The following ERBB3 variants were observed in gnomAD, a reference collection of about 807,000 sequenced individuals.
The protein encoded by ERBB3 is erb-b2 receptor tyrosine kinase 3, also known as receptor tyrosine-protein kinase erbB-3.
Under a neutral mutation model 156.7 loss-of-function variants are expected in ERBB3, and 96 were observed. The ratio of observed to expected loss-of-function variants is 0.61; its 90% confidence interval spans 0.52 to 0.73. The LOEUF (loss-of-function observed/expected upper bound fraction) is 0.73. ERBB3 is among the 30% of genes least tolerant of loss of function. The pLI, the probability that ERBB3 is intolerant of heterozygous loss-of-function variation, is 0.00. For synonymous variants in ERBB3, 567 were observed against 632.0 expected (o/e 0.90, Z 1.54); for missense variants, 1,406 against 1,709.4 (o/e 0.82, Z 3.13).
chr12:56,080,959 A>T (rs748227004), intron 1 of ERBB3, among the ~76,000 whole-genome samples: 4 of 152,226 alleles, frequency 2.6e-5, no homozygotes, highest in Non-Finnish European at 5.9e-5. Flanking sequence ...TTCAGGTGAC[A>T]TCAGGCAGGA....
Position 56,085,095 on chromosome 12 carries a change from A to G in ERBB3, c.335A>G (p.Asp112Gly), listed in dbSNP as rs769723853. ...LRVVRGTQVYDGKFAIFVMLN... is the reference protein window; with the variant it reads ...LRVVRGTQVYGGKFAIFVMLN... ...GTGGTGCGAGGGACCCAGGTCTACG[A>G]TGGGAAGTTTGCCATCTTCGTCATG... Residue 112 changes from aspartate to glycine, a missense_variant, in exon 3 of 28, where the codon GAT becomes GGT. Physicochemically the swap from Asp to Gly is moderately conservative, Grantham distance 94. This residue lies in a region of ERBB3 where 979 missense variants were observed against 1,219.6 expected (regional missense o/e 0.80). Coordinates refer to ENST00000267101, the MANE Select transcript of ERBB3 (RefSeq NM_001982.4). 11 of 1,613,942 alleles carry G rather than the reference A, an allele frequency of 6.8e-6. No individual in the cohort carries two copies. In the African/African-American group the frequency reaches 1.5e-4, roughly 22 times the overall value.
At position 56,092,676 on chromosome 12, in the gene ERBB3, G is replaced by A. The variant is rs1398190980; in HGVS notation, c.1110-71G>A. 2.9e-6 allele frequency: 3 copies of A among 1,045,110 alleles called. No homozygotes were observed. The East Asian group carries it at 7.1e-5, about 25-fold the overall frequency. 64.7% of individuals were successfully genotyped at this position (1,045,110 alleles called of 1,614,324 possible). A position where few individuals can be genotyped will look rare whatever the true frequency, so the allele number is the denominator to read the frequency against. On this transcript the variant is annotated intron_variant, in intron 9 of 27. Transcript: ENST00000267101. ...GAATGATATTTAGAAACCAAATGCT[G>A]AGGCTGGGTGTGCTCATTGCCATTG...
rs1440172370 is a variant in ERBB3 at position 56,101,735 on chromosome 12, AGCACACAGAGTT to A, written c.3712_3723del (p.Thr1238_Cys1241del). ...GTCAGACCTCAGTGCCTCTCTGGGC[AGCACACAGAGTT>A]GCCCACTCCACCCTGTACCCATCAT... is the stretch of plus-strand genomic sequence containing the variant. On this transcript the variant is annotated inframe_deletion, in exon 28 of 28. Transcript: ENST00000267101. 2 of 1,613,826 alleles carry A rather than the reference AGCACACAGAGTT, an allele frequency of 1.2e-6. No homozygotes were observed. Among genetic ancestry groups the A allele is most frequent in the Non-Finnish European group, 8.5e-7 (1 of 1,179,990 alleles).
intron 9 of ERBB3, 89 bp downstream of exon 9, chr12:56,088,957 G>A (rs762123925): frequency 1.2e-4 from 184 of 1,532,524 alleles, no homozygotes; most frequent in Non-Finnish European, 1.6e-4. Flanking sequence ...ATGTGGAGCT[G>A]ACTAGGAATC....
chr12:56,097,056 C>T lies in ERBB3; in HGVS notation c.2286C>T (p.Ala762=), dbSNP rs1868912628. ...SFQAVTDHML[A]IGSLDHAHIV... ...TTTGTGTCTCTTAGCATATGCTGGCCATTGGCAGCCTGGACCATGCCCACA... is the reference window on the plus strand; with the variant it reads ...TTTGTGTCTCTTAGCATATGCTGGCTATTGGCAGCCTGGACCATGCCCACA... Residue 762 remains alanine, a synonymous_variant, in exon 20 of 28, where the codon GCC becomes GCT. Coordinates refer to ENST00000267101, the MANE Select transcript of ERBB3 (RefSeq NM_001982.4). 3.1e-6 allele frequency: 5 copies of T among 1,613,954 alleles called. No homozygotes were observed. Among genetic ancestry groups the T allele is most frequent in the Non-Finnish European group, 4.2e-6 (5 of 1,179,948 alleles).
At chr12:56,098,179 T>C (rs1592231100) in intron 21 of ERBB3, 9 of 562,998 alleles carry the variant, frequency 1.6e-5, no homozygotes, top group Middle Eastern at 9.5e-4. Context: ...CCAAGGCGGG[T>C]GGATCACAAG....
chr12:56,086,912 T>C (rs1378737917), intron 4 of ERBB3, among the ~76,000 whole-genome samples: 1 of 151,752 alleles, frequency 6.6e-6, no homozygotes, highest in Non-Finnish European at 1.5e-5. Context: ...GAAGCCAAGG[T>C]GGGAGGATCG....
intron 9 of ERBB3, chr12:56,089,149 T>A: frequency 2.0e-6 from 1 of 502,728 alleles, no homozygotes; most frequent in South Asian, 1.5e-5. Flanking sequence ...TTTTTTCTTT[T>A]TTGAGATAGG....
intron 2 of ERBB3, among the ~76,000 whole-genome samples, chr12:56,084,407 T>C (rs1395527803): frequency 6.6e-6 from 1 of 151,896 alleles, no homozygotes; most frequent in Non-Finnish European, 1.5e-5. Flanking sequence ...GGTCAGGAGT[T>C]CAAGACCAGC....
rs769847060 is a variant in ERBB3 at position 56,094,468 on chromosome 12, C to T, written c.1771C>T (p.His591Tyr). 6.2e-7 allele frequency: 1 copy of T among 1,614,142 alleles called. No individual in the cohort carries two copies. Among genetic ancestry groups the T allele is most frequent in the South Asian group, 1.1e-5 (1 of 91,080 alleles). The change falls in exon 15 of 28, where the codon CAT becomes TAT. Residue 591 changes from histidine (H) to tyrosine (Y), a missense_variant. Physicochemically the swap from His to Tyr is moderately conservative, Grantham distance 83. This residue lies in a region of ERBB3 where 979 missense variants were observed against 1,219.6 expected (regional missense o/e 0.80). Coordinates refer to ENST00000267101, the MANE Select transcript of ERBB3 (RefSeq NM_001982.4). ...DGPHCVSSCP[H>Y]GVLGAKGPIY... ...GCCCCACTGTGTGAGCAGCTGCCCC[C>T]ATGGAGTCCTAGGTGCCAAGGGCCC...
rs536672285 is a variant in ERBB3 at position 56,090,656 on chromosome 12, T to A, written c.1109+1788T>A. Among the ~76,000 whole-genome samples the A allele has an allele frequency of 1.3e-4, 19 of 151,656 alleles. No individual in the cohort carries two copies. The East Asian group carries it at 3.3e-3, about 27-fold the overall frequency. Reference sequence around the variant, plus strand: ...AGACTCTGTCCCCCGCCAAAAAAAATACCACATACGCTTTATCACTTCTCT... The same window carrying A: ...AGACTCTGTCCCCCGCCAAAAAAAAAACCACATACGCTTTATCACTTCTCT... On this transcript the variant is annotated intron_variant, in intron 9 of 27. Transcript: ENST00000267101.
chr12:56,097,246 A>C lies in ERBB3; in HGVS notation c.2460+16A>C. 1 of 1,612,722 alleles carries C rather than the reference A, an allele frequency of 6.2e-7. No individual in the cohort carries two copies. The highest frequency in any genetic ancestry group is 8.5e-7 in the Non-Finnish European group (1 of 1,178,736). On this transcript the variant is annotated intron_variant, in intron 20 of 27. Transcript: ENST00000267101. ...AATTGCCAAGGTGAGAGAAGCCTGGAGGAATTCTGTGATAAGAACTGCTTG... is the reference window on the plus strand; with the variant it reads ...AATTGCCAAGGTGAGAGAAGCCTGGCGGAATTCTGTGATAAGAACTGCTTG...
intron 1 of ERBB3, among the ~76,000 whole-genome samples, chr12:56,081,225 C>T (rs1273734272): frequency 6.6e-6 from 1 of 152,212 alleles, no homozygotes; most frequent in Non-Finnish European, 1.5e-5. Context: ...CTTGTGCCTC[C>T]CGCCCCCATT....
chr12:56,101,930 G>GC lies in ERBB3; in HGVS notation c.3910dup (p.His1304ProfsTer12). On this transcript the variant is annotated frameshift_variant, in exon 28 of 28. Transcript: ENST00000267101. LOFTEE classifies it high-confidence loss of function. ...AGCTTTTCAGGGGCCTGGACATCAG[G>GC]CCCCCCATGTCCATTATGCCCGCCT... 6.2e-7 allele frequency: 1 copy of GC among 1,612,982 alleles called. No individual in the cohort carries two copies. Among genetic ancestry groups the GC allele is most frequent in the Non-Finnish European group, 8.5e-7 (1 of 1,179,714 alleles).
chr12:56,099,828 A>C lies in ERBB3; in HGVS notation c.2938-10A>C, dbSNP rs1869027563. The C allele has an allele frequency of 6.2e-7, 1 of 1,613,970 alleles. No homozygotes were observed. On this transcript the variant is annotated splice_polypyrimidine_tract_variant and intron_variant, in intron 24 of 27. Coordinates refer to ENST00000267101, the MANE Select transcript of ERBB3 (RefSeq NM_001982.4). ...CCAGGATTCCCCCTAACAATCACCT[A>C]TCGATATAGAGAGAGAGTGGGCCTG...
rs1188163430 is a variant in ERBB3, at chr12:56,099,671, C to T, written c.2863C>T (p.Arg955Cys). ...AGGTTGGATGATTGATGAGAACATT[C>T]GCCCAACCTTTAAAGAACTAGCCAA... ...VKCWMIDENI[R>C]PTFKELANEF... The change falls in exon 24 of 28, where the codon CGC becomes TGC. Residue 955 changes from arginine to cysteine, a missense_variant. This residue lies in a region of ERBB3 where 979 missense variants were observed against 1,219.6 expected (regional missense o/e 0.80). Transcript: ENST00000267101. The T allele has an allele frequency of 1.9e-6, 3 of 1,614,078 alleles. No homozygotes were observed. The highest frequency in any genetic ancestry group is 1.1e-5 in the South Asian group (1 of 91,082).
At chr12:56,093,114 A>G (rs771842590) in intron 11 of ERBB3, 38 bp downstream of exon 11, 2 of 1,470,510 alleles carry the variant, frequency 1.4e-6, no homozygotes, top group East Asian at 4.5e-5. Flanking sequence ...ATCTTCAGGC[A>G]ATGAAGCCTG....
At chr12:56,088,699 C>T (rs781094247) in intron 8 of ERBB3, 43 bp downstream of exon 8, 1 of 1,614,118 alleles carries the variant, frequency 6.2e-7, no homozygotes, top group Admixed American at 1.7e-5. Flanking sequence ...ACAGCCTTTC[C>T]TCTGAGCCTG....
rs182896439 is a variant in ERBB3, at chr12:56,095,062, T to C, written c.1860-195T>C. ...TTTTGGGAACCTGGAATAACCTCAG[T>C]TCAAGGGAGTTTCACAGAAGAGGGG... On this transcript the variant is annotated intron_variant, in intron 15 of 27. Transcript: ENST00000267101. 4.3e-4 allele frequency among the ~76,000 whole-genome samples: 65 copies of C among 152,090 alleles called. 2 individuals are homozygous for C. Among genetic ancestry groups the C allele is most frequent in the Admixed American group, 3.0e-3 (46 of 15,260 alleles).
Sources: gnomAD v4.1 joint callset for allele counts (sites outside exome capture counted in the v4.1 genomes callset) on GRCh38, gnomAD v4.1.1 for gene constraint, gnomAD v4.1.1 regional missense constraint, MANE v1.5 for transcripts, NCBI Gene and HGNC (gene_info 2026-07-23, HGNC 2026-07-21) for gene names.